The following XDH variants were observed in gnomAD, a reference collection of about 807,000 sequenced individuals.
XDH encodes the protein xanthine dehydrogenase/oxidase.
In XDH, 138 loss-of-function variants were observed where a neutral mutation model predicts 156.1. That is an observed-to-expected ratio of 0.88 (90% CI 0.77 to 1.02). XDH has a LOEUF of 1.02. Ranked by LOEUF, XDH falls within the 50% of genes least tolerant of loss-of-function variation. The pLI, the probability that XDH is intolerant of heterozygous loss-of-function variation, is 0.00. For synonymous variants in XDH, 669 were observed against 625.7 expected (o/e 1.07, Z -1.03); for missense variants, 1,849 against 1,684.9 (o/e 1.10, Z -1.71).
chr2:31,352,835 G>A (rs965245911), intron 24 of XDH, among the ~76,000 whole-genome samples: 1 of 151,430 alleles, frequency 6.6e-6, no homozygotes, highest in Non-Finnish European at 1.5e-5. Flanking sequence ...AGAGAGGAGT[G>A]TGATCCAAAA....
At chr2:31,348,801 T>C in intron 27 of XDH, 98 bp downstream of exon 27, 1 of 1,100,502 alleles carries the variant, frequency 9.1e-7, no homozygotes, top group Non-Finnish European at 1.4e-6. Context: ...GTAAGCCCTG[T>C]TACCAGTGAC....
chr2:31,376,903 T>A (rs1018573883), intron 14 of XDH, 150 bp downstream of exon 14: 9 of 987,696 alleles, frequency 9.1e-6, no homozygotes, highest in Non-Finnish European at 1.2e-5. Context: ...GAAGTAGAAG[T>A]GGTAGCAGTA....
rs886055941 is a variant in XDH, at chr2:31,334,506, G to A, written c.*1452C>T. 31 of 152,156 alleles carry A rather than the reference G, an allele frequency of 2.0e-4. No homozygotes were observed. Among genetic ancestry groups the A allele is most frequent in the Non-Finnish European group, 1.5e-5 (1 of 68,042 alleles). The allele number at this position is 152,156 out of a possible 1,614,324, so 9.4% of individuals were successfully genotyped here. A position where few individuals can be genotyped will look rare whatever the true frequency, so the allele number is the denominator to read the frequency against. On this transcript the variant is annotated 3_prime_UTR_variant, in exon 36 of 36. Transcript: ENST00000379416. ...TGTAGGGATTAAATCACCATTTGGA[G>A]CAATAAAAGGGATGTTTGTTCTTCC...
At chr2:31,367,756 C>G (rs1460830924) in intron 20 of XDH, among the ~76,000 whole-genome samples, 11 of 152,106 alleles carry the variant, frequency 7.2e-5, no homozygotes, top group Non-Finnish European at 1.5e-5. Flanking sequence ...TTAGGTCCAG[C>G]CTAGAGACAG....
chr2:31,364,731 G>A lies in XDH; in HGVS notation c.2545-487C>T, dbSNP rs570880534. ...CCTTTACAGGCTGTTTTACACACAC[G>A]GAAACTGGGACCCCAGAAGATCAAG... On this transcript the variant is annotated intron_variant, in intron 23 of 35. Coordinates refer to ENST00000379416, the MANE Select transcript of XDH (RefSeq NM_000379.4). 3.3e-5 allele frequency among the ~76,000 whole-genome samples: 5 copies of A among 152,244 alleles called. No homozygotes were observed. The East Asian group carries it at 5.8e-4, about 18-fold the overall frequency.
intron 1 of XDH, among the ~76,000 whole-genome samples, chr2:31,409,314 G>T (rs1302565443): frequency 6.6e-6 from 1 of 152,066 alleles, no homozygotes; most frequent in Non-Finnish European, 1.5e-5. Context: ...GTAACACAAA[G>T]GATAAATGCT....
chr2:31,362,592 C>T (rs529146464), intron 24 of XDH, among the ~76,000 whole-genome samples: 35 of 152,326 alleles, frequency 2.3e-4, no homozygotes, highest in Admixed American at 4.6e-4. Context: ...ATTAGCTCGT[C>T]ATAATTCCTA....
chr2:31,362,853 A>G (rs776986012), intron 24 of XDH, among the ~76,000 whole-genome samples: 1 of 152,252 alleles, frequency 6.6e-6, no homozygotes, highest in African/African-American at 2.4e-5. Flanking sequence ...ATACATGTCT[A>G]CATAAGGCTA....
chr2:31,395,703 G>A, intron 6 of XDH, among the ~76,000 whole-genome samples: 1 of 152,172 alleles, frequency 6.6e-6, no homozygotes, highest in East Asian at 1.9e-4. Flanking sequence ...TTCCTGCAGA[G>A]GTTTCTGCTC....
chr2:31,394,597 CA>C (rs1366419262), intron 6 of XDH, among the ~76,000 whole-genome samples: 3 of 152,160 alleles, frequency 2.0e-5, no homozygotes, highest in Admixed American at 1.3e-4. Flanking sequence ...GGGAAATTCT[CA>C]GTCATTTTTG....
chr2:31,406,800 T>C (rs892098412), intron 1 of XDH, among the ~76,000 whole-genome samples: 1 of 152,186 alleles, frequency 6.6e-6, no homozygotes, highest in Non-Finnish European at 1.5e-5. Flanking sequence ...ATCCTGCATG[T>C]GACTGTGGAA....
chr2:31,405,770 G>T, intron 2 of XDH, 137 bp downstream of exon 2: 1 of 890,416 alleles, frequency 1.1e-6, no homozygotes, highest in Non-Finnish European at 1.9e-6. Flanking sequence ...AAATGCAAGT[G>T]TCCCAAGTCC....
intron 3 of XDH, among the ~76,000 whole-genome samples, chr2:31,402,487 G>A (rs1004710554): frequency 6.6e-5 from 10 of 152,170 alleles, no homozygotes; most frequent in Non-Finnish European, 1.5e-4. Flanking sequence ...CAGTCAAGGG[G>A]CACCTAACCC....
chr2:31,393,521 T>C (rs537006992), intron 6 of XDH, among the ~76,000 whole-genome samples: 1 of 152,312 alleles, frequency 6.6e-6, no homozygotes, highest in East Asian at 1.9e-4. Flanking sequence ...TTAAAGTAGG[T>C]TTCTTGTAGA....
intron 16 of XDH, 27 bp downstream of exon 16, chr2:31,373,846 T>C: frequency 6.2e-7 from 1 of 1,612,208 alleles, no homozygotes; most frequent in Non-Finnish European, 8.5e-7. Flanking sequence ...AGTCCCCTGA[T>C]ATTAGCCATA....
At chr2:31,337,214 A>G (rs985804041) in intron 35 of XDH, among the ~76,000 whole-genome samples, 2 of 152,082 alleles carry the variant, frequency 1.3e-5, no homozygotes, top group African/African-American at 4.8e-5. Flanking sequence ...AATGTGGTTG[A>G]TCTAATTAAT....
chr2:31,367,045 C>G, intron 20 of XDH, 51 bp from the exon 21 acceptor site: 4 of 1,613,502 alleles, frequency 2.5e-6, no homozygotes, highest in Non-Finnish European at 3.4e-6. Context: ...GCAGAAGGGG[C>G]CAGCTTGCCT....
Position 31,368,655 on chromosome 2 carries a change from AG to A in XDH, c.1985del (p.Thr662IlefsTer25). On this transcript the variant is annotated frameshift_variant, in exon 19 of 36. Coordinates refer to ENST00000379416, the MANE Select transcript of XDH (RefSeq NM_000379.4). LOFTEE classifies it high-confidence loss of function. ...CAGCACCAATGATATGCCCAACACA[AG>A]TAACCTAGTAGCAGAGACAGACTGT... The part of the protein sequence containing the change: ...DETVFAKDKV[T>X]CVGHIIGAVV... 1 of 1,614,166 alleles carries A rather than the reference AG, an allele frequency of 6.2e-7. No homozygotes were observed. Among genetic ancestry groups the A allele is most frequent in the Admixed American group, 1.7e-5 (1 of 60,024 alleles).
chr2:31,401,750 C>T (rs1165958732), intron 3 of XDH, among the ~76,000 whole-genome samples: 1 of 152,256 alleles, frequency 6.6e-6, no homozygotes, highest in African/African-American at 2.4e-5. Flanking sequence ...CCTGCATTTC[C>T]TCGCCTCTAT....
Sources: allele counts gnomAD v4.1 joint callset (sites outside exome capture counted in the v4.1 genomes callset), GRCh38; gene constraint gnomAD v4.1.1; transcripts MANE v1.5; gene names NCBI Gene and HGNC (gene_info 2026-07-23, HGNC 2026-07-21).